Variants in IARS1 observed in about 807,000 individuals in gnomAD.
The protein encoded by IARS1 is isoleucyl-tRNA synthetase 1, also known as isoleucine--tRNA ligase, cytoplasmic.
In IARS1, 124 loss-of-function variants were observed where a neutral mutation model predicts 168.2. The ratio of observed to expected loss-of-function variants is 0.74; its 90% CI spans 0.64 to 0.86. IARS1 has a LOEUF of 0.86. Ranked by LOEUF, IARS1 falls within the 40% of genes least tolerant of loss-of-function variation. The probability of loss-of-function intolerance (pLI) is 0.00; values close to 1 mark genes in which losing one functional copy is unlikely to be tolerated. For synonymous variants in IARS1, 532 were observed against 529.4 expected (o/e 1.00, Z -0.07); for missense variants, 1,452 against 1,515.8 (o/e 0.96, Z 0.70).
intron 33 of IARS1, among the ~76,000 whole-genome samples, chr9:92,221,739 T>C (rs149380358): frequency 4.3e-4 from 66 of 152,328 alleles, no homozygotes; most frequent in African/African-American, 1.5e-3. Flanking sequence ...TAATAGAATG[T>C]GGAATATGTC....
intron 20 of IARS1, among the ~76,000 whole-genome samples, chr9:92,254,876 G>A (rs982161889): frequency 6.6e-6 from 1 of 152,156 alleles, no homozygotes; most frequent in Non-Finnish European, 1.5e-5. Context: ...CCCACAAAAC[G>A]TGGCTGCCGA....
At chr9:92,277,137 A>T (rs1175009549) in intron 9 of IARS1, among the ~76,000 whole-genome samples, 1 of 152,232 alleles carries the variant, frequency 6.6e-6, no homozygotes, top group Non-Finnish European at 1.5e-5. Flanking sequence ...CTAAAAATCC[A>T]ATCAAATGTA....
In IARS1 at chr9:92,271,602, A is replaced by G. The variant is rs2133874038; in HGVS notation, c.1044T>C (p.Pro348=). 3.1e-6 allele frequency: 5 copies of G among 1,614,126 alleles called. No homozygotes were observed. The highest frequency in any genetic ancestry group is 4.2e-6 in the Non-Finnish European group (5 of 1,179,970). ...DFNIIRKDSL[P]VCPVDASGCF... is the part of the protein sequence containing the mutation. ...AGCCTGAAGCATCCACAGGGCAAAC[A>G]GGGAGTGAGTCTTTCCGAATAATGT... Residue 348 remains proline (P), a synonymous_variant, in exon 11 of 34, where the codon CCT becomes CCC. Transcript: ENST00000443024.
At chr9:92,271,696 T>TGTATGGGTGTGAGCATGAGGTAA in intron 10 of IARS1, 41 bp from the exon 11 acceptor site, 2 of 1,607,092 alleles carry the variant, frequency 1.2e-6, no homozygotes, top group Non-Finnish European at 1.7e-6. Flanking sequence ...AAACAGTCTA[T>TGTATGGGTGTGAGCATGAGGTAA]GTATGGGTGT....
chr9:92,220,809 A>T (rs1185805944), intron 33 of IARS1, among the ~76,000 whole-genome samples: 2 of 152,028 alleles, frequency 1.3e-5, no homozygotes, highest in African/African-American at 2.4e-5. Flanking sequence ...CTACAAAAAA[A>T]TTTTAAAATT....
intron 12 of IARS1, among the ~76,000 whole-genome samples, chr9:92,270,619 A>G (rs562106340): frequency 1.7e-4 from 26 of 152,200 alleles, no homozygotes; most frequent in Admixed American, 1.4e-3. Context: ...ACATGGCGAA[A>G]CCTCATTTCT....
At position 92,287,830 on chromosome 9, in the gene IARS1, CTGAT is replaced by C; in HGVS notation, c.353_356del (p.Asn118SerfsTer6). Reference sequence around the variant, plus strand: ...AATATCTCATCACAATTGCTCGGCACTGATTGTTATACTCTGTAATCCCCATTTT... The same window carrying C: ...AATATCTCATCACAATTGCTCGGCACTGTTATACTCTGTAATCCCCATTTT... On this transcript the variant is annotated frameshift_variant, in exon 4 of 34. Transcript: ENST00000443024. LOFTEE classifies it high-confidence loss of function. 6.2e-7 allele frequency: 1 copy of C among 1,613,894 alleles called. No individual in the cohort carries two copies. The highest frequency in any genetic ancestry group is 8.5e-7 in the Non-Finnish European group (1 of 1,179,884).
chr9:92,224,971 A>G (rs932570892), intron 31 of IARS1, among the ~76,000 whole-genome samples: 19 of 152,198 alleles, frequency 1.2e-4, no homozygotes, highest in Non-Finnish European at 2.5e-4. Context: ...CACGGGCTCC[A>G]CAACATTACT....
intron 14 of IARS1, among the ~76,000 whole-genome samples, chr9:92,267,691 T>C (rs1832474525): frequency 1.3e-5 from 2 of 152,194 alleles, no homozygotes; most frequent in African/African-American, 4.8e-5. Context: ...CTGTATGACA[T>C]TAAGTGAGGA....
In IARS1 at chr9:92,258,999, C is replaced by G. The variant is rs765198734; in HGVS notation, c.1872-1G>C. 1 of 1,596,514 alleles carries G rather than the reference C, an allele frequency of 6.3e-7. No individual in the cohort carries two copies. Among genetic ancestry groups the G allele is most frequent in the South Asian group, 1.1e-5 (1 of 87,782 alleles). ...CACAGGGGAGTTAATCAGATATAATCTGGAAGAGGGAGAAAAATTAGACAG... is the reference window on the plus strand; with the variant it reads ...CACAGGGGAGTTAATCAGATATAATGTGGAAGAGGGAGAAAAATTAGACAG... On this transcript the variant is annotated splice_acceptor_variant, in intron 18 of 33. Transcript: ENST00000443024. LOFTEE classifies it high-confidence loss of function.
chr9:92,272,617 AG>A (rs1376354542), intron 10 of IARS1, among the ~76,000 whole-genome samples: 1 of 152,222 alleles, frequency 6.6e-6, no homozygotes, highest in East Asian at 1.9e-4. Flanking sequence ...TGGGAGGCCA[AG>A]GCGGTCAGAT....
At chr9:92,229,388 C>T (rs901477271) in intron 30 of IARS1, among the ~76,000 whole-genome samples, 3 of 150,570 alleles carry the variant, frequency 2.0e-5, no homozygotes, top group African/African-American at 2.4e-5. Flanking sequence ...CACACACACA[C>T]ATCTCCATCC....
Position 92,274,522 on chromosome 9 carries a change from C to T in IARS1, c.895-1G>A. ...CAGTGAAAGCGCCATTCTCTTTACA[C>T]TGGAAAGAAAGGACAGCAGGCTTCA... On this transcript the variant is annotated splice_acceptor_variant, in intron 9 of 33. Coordinates refer to ENST00000443024, the MANE Select transcript of IARS1 (RefSeq NM_002161.6). LOFTEE classifies it high-confidence loss of function. The T allele has an allele frequency of 1.9e-6, 3 of 1,607,512 alleles. No individual in the cohort carries two copies. The highest frequency in any genetic ancestry group is 2.6e-6 in the Non-Finnish European group (3 of 1,174,140).
chr9:92,232,292 T>C (rs1292314349), intron 30 of IARS1, among the ~76,000 whole-genome samples: 1 of 152,160 alleles, frequency 6.6e-6, no homozygotes, highest in African/African-American at 2.4e-5. Flanking sequence ...CCAAATAAAA[T>C]ACTGAAGCAT....
At chr9:92,287,949 T>G in intron 3 of IARS1, 39 bp from the exon 4 acceptor site, 14 of 1,608,098 alleles carry the variant, frequency 8.7e-6, no homozygotes, top group Non-Finnish European at 8.5e-6. Context: ...CGCTGCCCTA[T>G]GAAAACAACT....
chr9:92,268,343 A>G (rs924118185), intron 13 of IARS1, 43 bp from the exon 14 acceptor site: 2 of 1,592,566 alleles, frequency 1.3e-6, no homozygotes, highest in Non-Finnish European at 1.7e-6. Context: ...AAAAATATGG[A>G]AAAATTCAAC....
intron 33 of IARS1, among the ~76,000 whole-genome samples, chr9:92,218,689 A>T (rs1308805184): frequency 9.9e-6 from 1 of 100,776 alleles, no homozygotes; most frequent in Admixed American, 9.2e-5. Flanking sequence ...AAAGAGAATA[A>T]AATACCTAGG....
chr9:92,278,969 T>C (rs1200064894), intron 7 of IARS1, among the ~76,000 whole-genome samples: 4 of 152,146 alleles, frequency 2.6e-5, no homozygotes, highest in African/African-American at 9.7e-5. Context: ...ACCCTTATTG[T>C]AAGTGTTTCT....
intron 20 of IARS1, among the ~76,000 whole-genome samples, chr9:92,254,493 T>C (rs1355048487): frequency 6.6e-6 from 1 of 152,238 alleles, no homozygotes; most frequent in Non-Finnish European, 1.5e-5. Flanking sequence ...TGCTCTCTGC[T>C]GCTTTTCACA....
Sources: allele counts gnomAD v4.1 joint callset (sites outside exome capture counted in the v4.1 genomes callset), GRCh38; gene constraint gnomAD v4.1.1; transcripts MANE v1.5; gene names NCBI Gene and HGNC (gene_info 2026-07-23, HGNC 2026-07-21).